Variants in BBC3 observed in about 807,000 individuals in gnomAD.
The protein encoded by BBC3 is bcl-2-binding component 3.
In BBC3, 5 loss-of-function variants were observed where a neutral mutation model predicts 18.2. That is an observed-to-expected ratio of 0.27 (90% CI 0.14 to 0.58). The LOEUF (loss-of-function observed/expected upper bound fraction) is 0.58, where lower values mean the gene tolerates loss of function less well. Among genes scored for constraint, BBC3 ranks in the 20% least tolerant of loss-of-function variants. The pLI, the probability that BBC3 is intolerant of heterozygous loss-of-function variation, is 0.91. For missense variants in BBC3, 224 were observed against 268.9 expected, an observed-to-expected ratio of 0.83 and a Z score of 1.17; for synonymous variants, 119 against 128.0, an observed-to-expected ratio of 0.93 and a Z score of 0.47.
intron 1 of BBC3, among the ~76,000 whole-genome samples, chr19:47,229,820 A>C (rs2123395175): frequency 1.3e-5 from 2 of 151,990 alleles, no homozygotes. Context: ...ACACATACAT[A>C]CACACACACA....
Position 47,226,464 on chromosome 19 carries a change from C to G in BBC3, c.465+100G>C, listed in dbSNP as rs1688620600. ...CTGCCTGTCCGCGGAGCGACCCAGC[C>G]GCGCAGGGCAGCAGCTGCCGCACAT... On this transcript the variant is annotated intron_variant, in intron 3 of 3. Transcript: ENST00000439096. 4.9e-6 allele frequency: 6 copies of G among 1,217,918 alleles called. No homozygotes were observed. The South Asian group carries it at 9.2e-5, about 19-fold the overall frequency. The allele number at this position is 1,217,918 out of a possible 1,614,324, so 75.4% of individuals were successfully genotyped here. A position where few individuals can be genotyped will look rare whatever the true frequency, so the allele number is the denominator to read the frequency against.
chr19:47,221,681 A>G lies in BBC3; in HGVS notation c.*121T>C. The G allele has an allele frequency of 6.5e-7, 1 of 1,538,324 alleles. No homozygotes were observed. The highest frequency in any genetic ancestry group is 8.7e-7 in the Non-Finnish European group (1 of 1,148,980). On this transcript the variant is annotated 3_prime_UTR_variant, in exon 4 of 4. Transcript: ENST00000439096. ...GCCCCGGCCCGCCCCCGGGACAGGC[A>G]GGGCTGGGAGTCCAGTATGCTACAT...
chr19:47,232,296 A>C (rs1361481685), upstream of BBC3, among the ~76,000 whole-genome samples: 1 of 152,258 alleles, frequency 6.6e-6, no homozygotes, highest in African/African-American at 2.4e-5. Flanking sequence ...GGTTGCAGTG[A>C]GCCGAGATAG....
rs2058747176 is a variant in BBC3, at chr19:47,221,334, C to T, written c.*468G>A. 4.9e-6 allele frequency: 1 copy of T among 204,674 alleles called. No homozygotes were observed. Among genetic ancestry groups the T allele is most frequent in the Non-Finnish European group, 9.8e-6 (1 of 102,388 alleles). The allele number at this position is 204,674 out of a possible 1,614,324, so 12.7% of individuals were successfully genotyped here. A position where few individuals can be genotyped will look rare whatever the true frequency, so the allele number is the denominator to read the frequency against. On this transcript the variant is annotated 3_prime_UTR_variant, in exon 4 of 4. Coordinates refer to ENST00000439096, the MANE Select transcript of BBC3 (RefSeq NM_014417.5). ...AGGAGGCTAGTGGTCACGTTTGGCT[C>T]ATTTGCTCTTCACGGGCCCCCTCCC...
upstream of BBC3, chr19:47,231,224 C>G (rs950825017): frequency 1.0e-6 from 1 of 981,024 alleles, no homozygotes. The surrounding 1 kb of genome is among the most constrained non-coding windows in gnomAD (Gnocchi z 4.0). Context: ...ATCCCGGGCC[C>G]GCTCCAAAGC....
At chr19:47,229,142 G>C (rs1427211947) in intron 1 of BBC3, among the ~76,000 whole-genome samples, 3 of 151,876 alleles carry the variant, frequency 2.0e-5, no homozygotes, top group African/African-American at 7.3e-5. Flanking sequence ...TATGCCCAGG[G>C]GCACATGCAA....
chr19:47,222,689 G>C (rs1215439541), intron 3 of BBC3: 1 of 152,154 alleles, frequency 6.6e-6, no homozygotes, highest in Non-Finnish European at 1.5e-5. Context: ...ATACAGGCCG[G>C]GCGCGGTGGC....
chr19:47,231,184 G>A lies in BBC3; in HGVS notation c.-271C>T. 2 of 983,660 alleles carry A rather than the reference G, an allele frequency of 2.0e-6. No individual in the cohort carries two copies. The highest frequency in any genetic ancestry group is 5.2e-4 in the Middle Eastern group (1 of 1,916). The allele number at this position is 983,660 out of a possible 1,614,324, so 60.9% of individuals were successfully genotyped here. ...GCCGCCAGGCGCCCGCTCGCATGTG[G>A]CTCGCGCCGCGTCTCAGGCCGCCCG... On this transcript the variant is annotated 5_prime_UTR_variant, in exon 1 of 4. Transcript: ENST00000439096. The surrounding 1 kb of genome is among the most constrained non-coding windows in gnomAD (Gnocchi z 4.0).
upstream of BBC3, among the ~76,000 whole-genome samples, chr19:47,231,376 G>T (rs1174485424): frequency 1.3e-5 from 2 of 152,154 alleles, no homozygotes; most frequent in African/African-American, 2.4e-5. This position sits in a 1 kb window ranked among gnomAD's most constrained non-coding sequence, Gnocchi z 4.0. Context: ...CGCGCCGGGG[G>T]TTTCCCTGCA....
At chr19:47,226,244 A>C (rs1056396464) in intron 3 of BBC3, among the ~76,000 whole-genome samples, 23 of 151,620 alleles carry the variant, frequency 1.5e-4, no homozygotes, top group African/African-American at 1.7e-4. Context: ...AGCCCGGGAT[A>C]TATGAGCCGC....
chr19:47,226,786 C>T (rs1468365496), intron 2 of BBC3, 32 bp from the exon 3 acceptor site: 2 of 1,371,378 alleles, frequency 1.5e-6, no homozygotes, highest in Non-Finnish European at 1.9e-6. Context: ...GGTCAGCACC[C>T]ACCACCCCTC....
At chr19:47,223,794 C>T (rs1004520150) in intron 3 of BBC3, among the ~76,000 whole-genome samples, 1 of 152,112 alleles carries the variant, frequency 6.6e-6, no homozygotes, top group Non-Finnish European at 1.5e-5. Flanking sequence ...TCCCTAGCAA[C>T]TCTTGGGGCC....
At position 47,231,119 on chromosome 19, in the gene BBC3, C is replaced by T. The variant is rs2058908954; in HGVS notation, c.-206G>A. On this transcript the variant is annotated 5_prime_UTR_variant, in exon 1 of 4. Transcript: ENST00000439096. The surrounding 1 kb of genome is among the most constrained non-coding windows in gnomAD (Gnocchi z 4.0). Reference sequence around the variant, plus strand: ...GCTCCCCGGGCCGCAGGCGCGTCCGCGTCGTGGCCGCTGCTGGGATCGCTG... The same window carrying T: ...GCTCCCCGGGCCGCAGGCGCGTCCGTGTCGTGGCCGCTGCTGGGATCGCTG... 2 of 980,796 alleles carry T rather than the reference C, an allele frequency of 2.0e-6. No individual in the cohort carries two copies. The highest frequency in any genetic ancestry group is 2.4e-6 in the Non-Finnish European group (2 of 825,360). 60.8% of individuals were successfully genotyped at this position (980,796 alleles called of 1,614,324 possible).
At chr19:47,232,018 G>T (rs2058920068), upstream of BBC3, among the ~76,000 whole-genome samples, 2 of 152,176 alleles carry the variant, frequency 1.3e-5, no homozygotes, top group Non-Finnish European at 2.9e-5. Context: ...ATACACAAAT[G>T]CACTCACACA....
upstream of BBC3, chr19:47,232,589 A>T (rs45477493): frequency 6.5e-7 from 1 of 1,535,472 alleles, no homozygotes; most frequent in South Asian, 1.2e-5. Context: ...GGCAGACCCC[A>T]TGCCAAATTT....
In BBC3 at chr19:47,221,434, CT is replaced by C. The variant is rs769329459; in HGVS notation, c.*367del. The C allele has an allele frequency of 7.9e-3, 1,889 of 237,678 alleles. 284 individuals carry two copies. Among genetic ancestry groups the C allele is most frequent in the South Asian group, 0.02 (195 of 9,546 alleles). 14.7% of individuals were successfully genotyped at this position (237,678 alleles called of 1,614,324 possible). ...GGAGCACCGAGAGGAGAGCCCCCCC[CT>C]CCCAGTGTCACCCCTGCAGCTGGAA... is the stretch of plus-strand genomic sequence containing the variant. On this transcript the variant is annotated 3_prime_UTR_variant, in exon 4 of 4. Coordinates refer to ENST00000439096, the MANE Select transcript of BBC3 (RefSeq NM_014417.5).
chr19:47,221,514 C>A lies in BBC3; in HGVS notation c.*288G>T, dbSNP rs942646701. 5.5e-6 allele frequency: 2 copies of A among 365,964 alleles called. No individual in the cohort carries two copies. Among genetic ancestry groups the A allele is most frequent in the Non-Finnish European group, 9.2e-6 (2 of 217,818 alleles). 22.7% of individuals were successfully genotyped at this position (365,964 alleles called of 1,614,324 possible). A position where few individuals can be genotyped will look rare whatever the true frequency, so the allele number is the denominator to read the frequency against. ...GATGGTGGTGGGCGGCAGAGGCGGG[C>A]GGCTCAGTCCCCACCCCCTCGGTCA... is the stretch of plus-strand genomic sequence containing the variant. On this transcript the variant is annotated 3_prime_UTR_variant, in exon 4 of 4. Coordinates refer to ENST00000439096, the MANE Select transcript of BBC3 (RefSeq NM_014417.5).
chr19:47,228,247 G>C lies in BBC3; in HGVS notation c.185C>G (p.Pro62Arg). 2 of 1,217,274 alleles carry C rather than the reference G, an allele frequency of 1.6e-6. No individual in the cohort carries two copies. Among genetic ancestry groups the C allele is most frequent in the Non-Finnish European group, 2.0e-6 (2 of 978,436 alleles). 75.4% of individuals were successfully genotyped at this position (1,217,274 alleles called of 1,614,324 possible). A position where few individuals can be genotyped will look rare whatever the true frequency, so the allele number is the denominator to read the frequency against. ...TLLPAAYLCA[P>R]TAPPAVTAAL... ...GGCGGTGACGGCGGGTGGGGCGGTG[G>C]GGGCGCAGAGGTAGGCAGCGGGCAG... The change falls in exon 2 of 4, where the codon CCC (proline) becomes CGC (arginine). Residue 62 changes from proline to arginine, a missense_variant. Physicochemically the swap from Pro to Arg is moderately radical, Grantham distance 103 (BLOSUM62 -2). Coordinates refer to ENST00000439096, the MANE Select transcript of BBC3 (RefSeq NM_014417.5). The surrounding 1 kb of genome is among the most constrained non-coding windows in gnomAD (Gnocchi z 5.5).
At chr19:47,222,320 C>G (rs1414205759) in intron 3 of BBC3, 3 of 161,614 alleles carry the variant, frequency 1.9e-5, no homozygotes, top group Admixed American at 6.4e-5. Flanking sequence ...CTAGAACAAT[C>G]TGTGGAAGGA....
Sources: gnomAD v4.1 joint callset for allele counts (sites outside exome capture counted in the v4.1 genomes callset) on GRCh38, gnomAD v4.1.1 for gene constraint, Gnocchi (gnomAD v3.1) non-coding constraint, MANE v1.5 for transcripts, NCBI Gene and HGNC (gene_info 2026-07-23, HGNC 2026-07-21) for gene names.